Variants in KCNK5 observed in about 807,000 individuals in gnomAD.
The protein encoded by KCNK5 is potassium two pore domain channel subfamily K member 5, also known as potassium channel subfamily K member 5.
Under a neutral mutation model 32.9 loss-of-function variants are expected in KCNK5, and 18 were observed. The ratio of observed to expected loss-of-function variants is 0.55; its 90% confidence interval spans 0.38 to 0.81. The LOEUF (loss-of-function observed/expected upper bound fraction) is 0.81, where lower values mean the gene tolerates loss of function less well. KCNK5 is among the 30% of genes least tolerant of loss of function. KCNK5 has a pLI of 0.00. For missense variants in KCNK5, 507 were observed against 651.0 expected, an observed-to-expected ratio of 0.78 and a Z score of 2.41; for synonymous variants, 276 against 275.3, an observed-to-expected ratio of 1.00 and a Z score of -0.03.
intron 1 of KCNK5, among the ~76,000 whole-genome samples, chr6:39,213,585 A>G (rs1283447981): frequency 6.6e-6 from 1 of 152,056 alleles, no homozygotes; most frequent in African/African-American, 2.4e-5. Context: ...CACCAGTTCA[A>G]TAAGCACAGA....
At chr6:39,212,707 C>G (rs994397854) in intron 1 of KCNK5, among the ~76,000 whole-genome samples, 1 of 152,188 alleles carries the variant, frequency 6.6e-6, no homozygotes, top group Non-Finnish European at 1.5e-5. Context: ...AATGGATCAA[C>G]ACTGGAAACA....
rs1219432036 is a variant in KCNK5, at chr6:39,194,131, A to C, written c.634+38T>G. On this transcript the variant is annotated intron_variant, in intron 4 of 4. Coordinates refer to ENST00000359534, the MANE Select transcript of KCNK5 (RefSeq NM_003740.4). This position sits in a 1 kb window ranked among gnomAD's most constrained non-coding sequence, Gnocchi z 4.7. ...AGGTCTGTTGCACTGAAACCAAAGA[A>C]GCAGAAAAAGAGGTGGGAGGCAGAG... is the stretch of plus-strand genomic sequence containing the variant. 6.2e-7 allele frequency: 1 copy of C among 1,612,812 alleles called. No individual in the cohort carries two copies. The highest frequency in any genetic ancestry group is 8.5e-7 in the Non-Finnish European group (1 of 1,178,896).
intron 1 of KCNK5, among the ~76,000 whole-genome samples, chr6:39,225,979 A>G (rs1016104905): frequency 3.9e-5 from 6 of 152,194 alleles, no homozygotes; most frequent in Non-Finnish European, 8.8e-5. Flanking sequence ...AGACCTGTTC[A>G]CTTTTTATAG....
At position 39,194,824 on chromosome 6, in the gene KCNK5, A is replaced by AAC. The variant is rs1447340259; in HGVS notation, c.299-66_299-65dup. ...GGTCAAACCAGTGGGCCTTGCTTCC[A>AAC]ACACACACACAGCCCGTTCTCTAAG... On this transcript the variant is annotated intron_variant, in intron 2 of 4. Coordinates refer to ENST00000359534, the MANE Select transcript of KCNK5 (RefSeq NM_003740.4). The surrounding 1 kb of genome is among the most constrained non-coding windows in gnomAD (Gnocchi z 4.7). The AAC allele has an allele frequency of 4.6e-5, 62 of 1,356,878 alleles. No individual in the cohort carries two copies. The highest frequency in any genetic ancestry group is 6.5e-5 in the Non-Finnish European group (62 of 959,582). 84.1% of individuals were successfully genotyped at this position (1,356,878 alleles called of 1,614,324 possible).
In KCNK5 at chr6:39,191,739, G is replaced by A. The variant is rs1229821189; in HGVS notation, c.651C>T (p.Ala217=). The change falls in exon 5 of 5, where the codon GCC becomes GCT. Residue 217 remains alanine, a synonymous_variant. Transcript: ENST00000359534. The surrounding 1 kb of genome is among the most constrained non-coding windows in gnomAD (Gnocchi z 5.8). Reference sequence around the variant, plus strand: ...AGTAGCGGTACAGGGCGTGGTAGTTGGCGCTGGGGTTCACACCTGAGCGGA... The same window carrying A: ...AGTAGCGGTACAGGGCGTGGTAGTTAGCGCTGGGGTTCACACCTGAGCGGA... ...GDFVAGVNPS[A]NYHALYRYFV... 12 of 1,612,274 alleles carry A rather than the reference G, an allele frequency of 7.4e-6. No homozygotes were observed. Among genetic ancestry groups the A allele is most frequent in the Non-Finnish European group, 9.3e-6 (11 of 1,178,714 alleles).
At chr6:39,205,180 G>A (rs1034009288) in intron 1 of KCNK5, among the ~76,000 whole-genome samples, 1 of 152,190 alleles carries the variant, frequency 6.6e-6, no homozygotes, top group Non-Finnish European at 1.5e-5. Flanking sequence ...GTCAGCGTGA[G>A]CTCTCAGGCA....
rs1770986348 is a variant in KCNK5, at chr6:39,194,103, C to A, written c.634+66G>T. 2 of 1,578,100 alleles carry A rather than the reference C, an allele frequency of 1.3e-6. No homozygotes were observed. Among genetic ancestry groups the A allele is most frequent in the Non-Finnish European group, 1.7e-6 (2 of 1,148,364 alleles). Reference sequence around the variant, plus strand: ...GGAACCCTACCTAGGGCACCCCCAACATAGGTCTGTTGCACTGAAACCAAA... The same window carrying A: ...GGAACCCTACCTAGGGCACCCCCAAAATAGGTCTGTTGCACTGAAACCAAA... On this transcript the variant is annotated intron_variant, in intron 4 of 4. Transcript: ENST00000359534. The surrounding 1 kb of genome is among the most constrained non-coding windows in gnomAD (Gnocchi z 4.7).
intron 1 of KCNK5, among the ~76,000 whole-genome samples, chr6:39,202,419 G>A (rs1156775056): frequency 6.6e-6 from 1 of 152,188 alleles, no homozygotes; most frequent in East Asian, 1.9e-4. Flanking sequence ...GGGTTGCAGA[G>A]GTGGGGATCA....
chr6:39,194,308 G>T lies in KCNK5; in HGVS notation c.495C>A (p.Ile165=), dbSNP rs561862335. The T allele has an allele frequency of 6.2e-7, 1 of 1,613,126 alleles. No individual in the cohort carries two copies. The stretch of plus-strand genomic sequence containing the variant: ...GGACTAGGACGCCCCACACGATGAA[G>T]ATGACTGTGCACGTGATCTGCGCCT... ...LRKAQITCTV[I]FIVWGVLVHL... The change falls in exon 4 of 5, where the codon ATC becomes ATA. Residue 165 remains isoleucine, a synonymous_variant. Coordinates refer to ENST00000359534, the MANE Select transcript of KCNK5 (RefSeq NM_003740.4). The surrounding 1 kb of genome is among the most constrained non-coding windows in gnomAD (Gnocchi z 4.7).
intron 1 of KCNK5, among the ~76,000 whole-genome samples, chr6:39,226,093 G>A (rs1771666702): frequency 6.6e-6 from 1 of 152,228 alleles, no homozygotes; most frequent in Non-Finnish European, 1.5e-5. Context: ...ATGGGTAAAT[G>A]GCCGAGCCAG....
chr6:39,229,102 G>A lies in KCNK5; in HGVS notation c.10C>T (p.Arg4Trp). Residue 4 changes from arginine (R) to tryptophan (W), a missense_variant, in exon 1 of 5, where the codon CGG (arginine) becomes TGG (tryptophan). Arg to Trp is a moderately radical substitution (Grantham distance 101). Around this residue, in one of 6 missense-constraint regions of KCNK5, gnomAD observed 143 missense variants for 219.1 expected, o/e 0.65. Coordinates refer to ENST00000359534, the MANE Select transcript of KCNK5 (RefSeq NM_003740.4). ...ATGGCCGAGGTGAGCAGAGGGCCCCGGTCCACCATGGCTCCCGAGCGGCCG... is the reference window on the plus strand; with the variant it reads ...ATGGCCGAGGTGAGCAGAGGGCCCCAGTCCACCATGGCTCCCGAGCGGCCG... MVD[R>W]GPLLTSAIIF... is the part of the protein sequence containing the mutation. The A allele has an allele frequency of 2.5e-6, 4 of 1,613,986 alleles. No homozygotes were observed. Among genetic ancestry groups the A allele is most frequent in the Non-Finnish European group, 3.4e-6 (4 of 1,179,988 alleles).
rs757400605 is a variant in KCNK5 at position 39,195,913 on chromosome 6, A to G, written c.261T>C (p.Asn87=). Residue 87 remains asparagine, a synonymous_variant, in exon 2 of 5, where the codon AAT becomes AAC. Coordinates refer to ENST00000359534, the MANE Select transcript of KCNK5 (RefSeq NM_003740.4). ...TGACGGTCGCTGCAAAAATCATTGC[A>G]TTGGGCCAGTTCCAGTTGTTGAAGG... ...NQTFNNWNWP[N]AMIFAATVIT... 6.2e-7 allele frequency: 1 copy of G among 1,614,002 alleles called. No individual in the cohort carries two copies. The highest frequency in any genetic ancestry group is 1.7e-5 in the Admixed American group (1 of 60,016).
At chr6:39,199,060 C>T (rs534061840) in intron 1 of KCNK5, among the ~76,000 whole-genome samples, 15 of 152,220 alleles carry the variant, frequency 9.9e-5, no homozygotes, top group Non-Finnish European at 1.9e-4. Context: ...CTGCAGTGAA[C>T]GGACGGAATC....
At chr6:39,198,204 G>A (rs769662612) in intron 1 of KCNK5, among the ~76,000 whole-genome samples, 1 of 152,234 alleles carries the variant, frequency 6.6e-6, no homozygotes, top group Non-Finnish European at 1.5e-5. Flanking sequence ...AGAAATTCAT[G>A]TGGACAAGAC....
Position 39,191,607 on chromosome 6 carries a change from C to T in KCNK5, c.783G>A (p.Arg261=), listed in dbSNP as rs201018805. Residue 261 remains arginine, a synonymous_variant, in exon 5 of 5, where the codon CGG becomes CGA. Coordinates refer to ENST00000359534, the MANE Select transcript of KCNK5 (RefSeq NM_003740.4). The surrounding 1 kb of genome is among the most constrained non-coding windows in gnomAD (Gnocchi z 5.8). ...AGCTCTCAAAGGACTCCTTCCGTCGCCGCCGCCGCTTCTTAATGGCTTTGT... is the reference window on the plus strand; with the variant it reads ...AGCTCTCAAAGGACTCCTTCCGTCGTCGCCGCCGCTTCTTAATGGCTTTGT... ...EVHKAIKKRR[R]RRKESFESSP... is the part of the protein sequence containing the mutation. 2 of 1,613,826 alleles carry T rather than the reference C, an allele frequency of 1.2e-6. No homozygotes were observed. The highest frequency in any genetic ancestry group is 8.5e-7 in the Non-Finnish European group (1 of 1,179,974).
In KCNK5 at chr6:39,194,413, G is replaced by C. The variant is rs1373343280; in HGVS notation, c.466-76C>G. ...CAGCAAAGGCACCCAGAGGGCCAGGGAGGCAGCTAGAGGAGAAGCTAGCTG... is the reference window on the plus strand; with the variant it reads ...CAGCAAAGGCACCCAGAGGGCCAGGCAGGCAGCTAGAGGAGAAGCTAGCTG... On this transcript the variant is annotated intron_variant, in intron 3 of 4. Transcript: ENST00000359534. This position sits in a 1 kb window ranked among gnomAD's most constrained non-coding sequence, Gnocchi z 4.7. 1 of 1,505,356 alleles carries C rather than the reference G, an allele frequency of 6.6e-7. No individual in the cohort carries two copies. The highest frequency in any genetic ancestry group is 2.0e-5 in the Admixed American group (1 of 49,684). 93.2% of individuals were successfully genotyped at this position (1,505,356 alleles called of 1,614,324 possible).
At chr6:39,208,142 A>G (rs1274279085) in intron 1 of KCNK5, among the ~76,000 whole-genome samples, 1 of 152,136 alleles carries the variant, frequency 6.6e-6, no homozygotes, top group African/African-American at 2.4e-5. Context: ...TGAGGTTCTG[A>G]TAAGAGATTA....
intron 1 of KCNK5, among the ~76,000 whole-genome samples, chr6:39,217,118 C>CAAAAAAAAAAAAAA (rs57204833): frequency 3.2e-4 from 24 of 74,430 alleles, no homozygotes; most frequent in African/African-American, 7.7e-4. Flanking sequence ...AAAACTCCAT[C>CAAAAAAAAAAAAAA]AAAAAAAAAA....
At chr6:39,197,397 A>C (rs759434575) in intron 1 of KCNK5, among the ~76,000 whole-genome samples, 1 of 152,254 alleles carries the variant, frequency 6.6e-6, no homozygotes, top group Non-Finnish European at 1.5e-5. Flanking sequence ...CAAACCACAC[A>C]GCTCACTGCG....
Sources: gnomAD v4.1 joint callset for allele counts (sites outside exome capture counted in the v4.1 genomes callset) on GRCh38, gnomAD v4.1.1 for gene constraint, gnomAD v4.1.1 regional missense constraint, Gnocchi (gnomAD v3.1) non-coding constraint, MANE v1.5 for transcripts, NCBI Gene and HGNC (gene_info 2026-07-23, HGNC 2026-07-21) for gene names.